Variants in THEMIS observed in about 807,000 individuals in gnomAD.
THEMIS encodes thymocyte selection associated, also known as protein THEMIS.
In THEMIS, 37 loss-of-function variants were observed where a neutral mutation model predicts 52.6. That is an observed-to-expected ratio of 0.70 (90% CI 0.54 to 0.93). The LOEUF is 0.93. Among genes scored for constraint, THEMIS ranks in the 40% least tolerant of loss-of-function variants. The probability of loss-of-function intolerance (pLI) is 0.00; values close to 1 mark genes in which losing one functional copy is unlikely to be tolerated. For synonymous variants in THEMIS, 292 were observed against 272.7 expected (o/e 1.07, Z -0.70); for missense variants, 808 against 763.1 (o/e 1.06, Z -0.69).
At chr6:127,884,580 C>T (rs1165972248) in intron 1 of THEMIS, among the ~76,000 whole-genome samples, 1 of 152,120 alleles carries the variant, frequency 6.6e-6, no homozygotes, top group Non-Finnish European at 1.5e-5. Flanking sequence ...CCAAAAGGAA[C>T]ATGGTTTCTG....
intron 5 of THEMIS, among the ~76,000 whole-genome samples, chr6:127,718,683 T>C (rs1774255165): frequency 6.6e-6 from 1 of 152,114 alleles, no homozygotes; most frequent in Admixed American, 6.6e-5. Context: ...GTTGTTTCTT[T>C]TATAGTCATA....
At chr6:127,740,598 C>CCTGGCCTGAAACTTCCCAATGTCATCA (rs1775168470) in intron 4 of THEMIS, among the ~76,000 whole-genome samples, 1 of 152,160 alleles carries the variant, frequency 6.6e-6, no homozygotes, top group African/African-American at 2.4e-5. Flanking sequence ...GTTTTGCTGA[C>CCTGGCCTGAAACTTCCCAATGTCATCA]ATGCTTTGGA....
chr6:127,771,391 T>C (rs182427601), intron 4 of THEMIS, among the ~76,000 whole-genome samples: 54 of 152,236 alleles, frequency 3.5e-4, no homozygotes, highest in Admixed American at 9.2e-4. Context: ...AATGATTTTC[T>C]TCACAGAACT....
At chr6:127,706,820 G>C (rs148190727), downstream of THEMIS, among the ~76,000 whole-genome samples, 39 of 152,176 alleles carry the variant, frequency 2.6e-4, no homozygotes, top group African/African-American at 8.2e-4. Context: ...AGAGCAAAAA[G>C]TGTTCCAGGC....
At chr6:127,750,411 A>G (rs1005183094) in intron 4 of THEMIS, among the ~76,000 whole-genome samples, 6 of 151,772 alleles carry the variant, frequency 4.0e-5, no homozygotes, top group African/African-American at 1.5e-4. Context: ...CATATCTCAT[A>G]CAATATGTTG....
rs1779680453 is a variant in THEMIS at position 127,858,192 on chromosome 6, A to C, written c.92-3004T>G. Reference sequence around the variant, plus strand: ...GGAATAGAAGCCAGAGAATTCTATAAAAAGAAATTTCATGAGTCTTGGTCA... The same window carrying C: ...GGAATAGAAGCCAGAGAATTCTATACAAAGAAATTTCATGAGTCTTGGTCA... On this transcript the variant is annotated intron_variant, in intron 1 of 5. Transcript: ENST00000368248. Among the ~76,000 whole-genome samples, 3 of 152,176 alleles carry C rather than the reference A, an allele frequency of 2.0e-5. No homozygotes were observed. The South Asian group carries it at 6.2e-4, about 32-fold the overall frequency.
intron 4 of THEMIS, among the ~76,000 whole-genome samples, chr6:127,784,287 T>C (rs534138878): frequency 2.0e-5 from 3 of 152,236 alleles, no homozygotes; most frequent in Admixed American, 1.3e-4. Context: ...CTAATGTAGA[T>C]GATGGGCTGA....
intron 1 of THEMIS, among the ~76,000 whole-genome samples, chr6:127,857,929 G>C (rs1476239441): frequency 6.6e-6 from 1 of 151,952 alleles, no homozygotes; most frequent in African/African-American, 2.4e-5. Context: ...GAAAGGGAAG[G>C]CTTTTAAGTA....
chr6:127,786,358 C>T (rs1259513028), intron 4 of THEMIS, among the ~76,000 whole-genome samples: 1 of 152,030 alleles, frequency 6.6e-6, no homozygotes, highest in East Asian at 1.9e-4. Flanking sequence ...TGGTCTGAAA[C>T]GTTGTGAAAT....
At chr6:127,892,891 T>G (rs1393928040) in intron 1 of THEMIS, among the ~76,000 whole-genome samples, 1 of 152,172 alleles carries the variant, frequency 6.6e-6, no homozygotes, top group East Asian at 1.9e-4. Flanking sequence ...GCATTGTTGA[T>G]AGTAGATTTG....
chr6:127,791,257 G>C (rs1251106217), intron 4 of THEMIS, among the ~76,000 whole-genome samples: 86 of 152,106 alleles, frequency 5.7e-4, no homozygotes. Context: ...ACAGTGGTTA[G>C]CTCCTCTCCA....
intron 4 of THEMIS, among the ~76,000 whole-genome samples, chr6:127,798,033 G>C (rs571823404): frequency 1.8e-4 from 28 of 152,188 alleles, no homozygotes; most frequent in Admixed American, 7.2e-4. Flanking sequence ...GTGTACATAC[G>C]CATATGTGTT....
intron 2 of THEMIS, among the ~76,000 whole-genome samples, chr6:127,830,234 A>T: frequency 6.6e-6 from 1 of 152,222 alleles, no homozygotes; most frequent in Middle Eastern, 3.2e-3. Flanking sequence ...GCTCTGTTCC[A>T]ACTACTTTGT....
intron 3 of THEMIS, among the ~76,000 whole-genome samples, chr6:127,825,358 A>G (rs370279244): frequency 9.2e-5 from 14 of 152,336 alleles, no homozygotes; most frequent in East Asian, 3.9e-4. Context: ...AAACTTCAGA[A>G]TACCACGTAT....
At chr6:127,886,725 G>A (rs1006287993) in intron 1 of THEMIS, among the ~76,000 whole-genome samples, 1 of 152,130 alleles carries the variant, frequency 6.6e-6, no homozygotes, top group African/African-American at 2.4e-5. Flanking sequence ...ACGCATCATT[G>A]TTAAGAGATT....
intron 2 of THEMIS, among the ~76,000 whole-genome samples, chr6:127,831,451 T>G (rs1778696244): frequency 1.3e-5 from 2 of 152,138 alleles, no homozygotes. Flanking sequence ...TCTAAGAAGA[T>G]AGTGTATTTT....
chr6:127,835,601 A>C (rs889728672), intron 2 of THEMIS, among the ~76,000 whole-genome samples: 1 of 152,162 alleles, frequency 6.6e-6, no homozygotes, highest in African/African-American at 2.4e-5. Flanking sequence ...ATTCTAAGCC[A>C]TTGTAGGATG....
intron 1 of THEMIS, among the ~76,000 whole-genome samples, chr6:127,899,408 AT>A (rs1781067283): frequency 6.6e-6 from 1 of 151,950 alleles, no homozygotes; most frequent in South Asian, 2.1e-4. Context: ...AAGAAAAAAA[AT>A]AAACTAATGG....
chr6:127,901,209 A>T, upstream of THEMIS: 1 of 476,124 alleles, frequency 2.1e-6, no homozygotes. Flanking sequence ...GGTGGGGTGA[A>T]CAGACACTGC....
Sources: gnomAD v4.1 joint callset for allele counts (sites outside exome capture counted in the v4.1 genomes callset) on GRCh38, gnomAD v4.1.1 for gene constraint, MANE v1.5 for transcripts, NCBI Gene and HGNC (gene_info 2026-07-23, HGNC 2026-07-21) for gene names.